The following POLR1A variants were observed in gnomAD, a reference collection of about 807,000 sequenced individuals.
The protein encoded by POLR1A is RNA polymerase I subunit A, also known as DNA-directed RNA polymerase I subunit RPA1.
POLR1A carries 84 observed loss-of-function variants against 205.3 expected under a neutral mutation model. That is an observed-to-expected ratio of 0.41 (90% CI 0.34 to 0.49). The LOEUF (loss-of-function observed/expected upper bound fraction) is 0.49. POLR1A is among the 20% of genes least tolerant of loss of function. The probability of loss-of-function intolerance (pLI) is 0.22; values close to 1 mark genes in which losing one functional copy is unlikely to be tolerated. For synonymous variants in POLR1A, 799 were observed against 863.7 expected (o/e 0.93, Z 1.31); for missense variants, 1,645 against 2,204.5 (o/e 0.75, Z 5.08).
At position 86,028,732 on chromosome 2, in the gene POLR1A, A is replaced by G. The variant is rs1573799144; in HGVS notation, c.4780-21T>C. ...AGGACCTGGAGAGAGGAAGGAAGGG[A>G]TTTATTTAGAGGGCCTGGCCTTCTG... On this transcript the variant is annotated intron_variant, in intron 31 of 33. Transcript: ENST00000263857. The surrounding 1 kb of genome is among the most constrained non-coding windows in gnomAD (Gnocchi z 4.5). 3.2e-6 allele frequency: 5 copies of G among 1,577,958 alleles called. No individual in the cohort carries two copies. The highest frequency in any genetic ancestry group is 4.4e-6 in the Non-Finnish European group (5 of 1,147,362).
chr2:86,039,017 G>A lies in POLR1A; in HGVS notation c.3877-160C>T, dbSNP rs1487842630. On this transcript the variant is annotated intron_variant, in intron 26 of 33. Coordinates refer to ENST00000263857, the MANE Select transcript of POLR1A (RefSeq NM_015425.6). ...TGAGCTATACTGGTGTGGATCTGCTGGGGGGCCCACAGCCTGCAGTCACCT... is the reference window on the plus strand; with the variant it reads ...TGAGCTATACTGGTGTGGATCTGCTAGGGGGCCCACAGCCTGCAGTCACCT... The A allele has an allele frequency of 3.7e-4, 255 of 693,432 alleles. 6 individuals carry two copies. The East Asian group carries it at 6.8e-3, about 19-fold the overall frequency. The allele number at this position is 693,432 out of a possible 1,614,324, so 43.0% of individuals were successfully genotyped here. A position where few individuals can be genotyped will look rare whatever the true frequency, so the allele number is the denominator to read the frequency against.
chr2:86,038,616 A>G (rs1672541217), intron 27 of POLR1A, 84 bp downstream of exon 27: 3 of 1,357,892 alleles, frequency 2.2e-6, no homozygotes, highest in African/African-American at 2.9e-5. Context: ...AATCTCTAGG[A>G]GCCTTGTGGC....
chr2:86,050,405 C>T (rs1203438537), intron 16 of POLR1A, among the ~76,000 whole-genome samples: 3 of 152,242 alleles, frequency 2.0e-5, no homozygotes, highest in African/African-American at 7.2e-5. Flanking sequence ...AACAGTTCCT[C>T]TGTAAGCAGG....
At chr2:86,063,685 C>T (rs915752563) in intron 14 of POLR1A, among the ~76,000 whole-genome samples, 1 of 152,110 alleles carries the variant, frequency 6.6e-6, no homozygotes, top group Non-Finnish European at 1.5e-5. Context: ...GAAGGTTTAT[C>T]CAGGAATGCA....
In POLR1A at chr2:86,071,229, T is replaced by TGTGCGCGCGCGC. The variant is rs1418268560; in HGVS notation, c.1612-958_1612-957insGCGCGCGCGCAC. 4.6e-3 allele frequency among the ~76,000 whole-genome samples: 4 copies of TGTGCGCGCGCGC among 874 alleles called. No individual in the cohort carries two copies. In the Non-Finnish European group the frequency reaches 0.056, roughly 12 times the overall value. 0.6% of individuals were successfully genotyped at this position (874 alleles called of 152,430 possible). A position where few individuals can be genotyped will look rare whatever the true frequency, so the allele number is the denominator to read the frequency against. ...CAGCTTCTCTCTCTCTCCGTGTGCA[T>TGTGCGCGCGCGC]GTGTGTGTGTGTGTGTGTGTGTGTG... On this transcript the variant is annotated intron_variant, in intron 12 of 33. Coordinates refer to ENST00000263857, the MANE Select transcript of POLR1A (RefSeq NM_015425.6).
Position 86,054,272 on chromosome 2 carries a change from G to A in POLR1A, c.2076C>T (p.Leu692=). 6.2e-7 allele frequency: 1 copy of A among 1,614,044 alleles called. No homozygotes were observed. Among genetic ancestry groups the A allele is most frequent in the African/African-American group, 1.3e-5 (1 of 75,032 alleles). The stretch of plus-strand genomic sequence containing the variant: ...TGTGGTCCTCTGGGATTATATTTAT[G>A]AGCAGCGTTGACACAACCTGCAAAG... ...WTGKQVVSTL[L]INIIPEDHIP... The change falls in exon 15 of 34, where the codon CTC becomes CTT. Residue 692 remains leucine (L), a synonymous_variant. Coordinates refer to ENST00000263857, the MANE Select transcript of POLR1A (RefSeq NM_015425.6).
At chr2:86,076,108 G>GCTGGGC in intron 11 of POLR1A, among the ~76,000 whole-genome samples, 1 of 152,284 alleles carries the variant, frequency 6.6e-6, no homozygotes, top group South Asian at 2.1e-4. Context: ...TGTGTTTAAA[G>GCTGGGC]CTGGGCCTGG....
chr2:86,047,142 T>C (rs755945818), intron 19 of POLR1A, 23 bp downstream of exon 19: 1 of 1,578,880 alleles, frequency 6.3e-7, no homozygotes, highest in Non-Finnish European at 8.7e-7. Context: ...CCTGTAAAGC[T>C]GCCAACCCGC....
At chr2:86,055,294 C>CAAAAAAAA (rs1265267243) in intron 14 of POLR1A, among the ~76,000 whole-genome samples, 6 of 150,872 alleles carry the variant, frequency 4.0e-5, no homozygotes, top group East Asian at 2.0e-4. Context: ...AACTCTGTCT[C>CAAAAAAAA]AAGAAAAAAA....
chr2:86,089,700 A>C, intron 4 of POLR1A, 122 bp downstream of exon 4: 29 of 660,876 alleles, frequency 4.4e-5, no homozygotes, highest in East Asian at 7.9e-5. Context: ...CACAAGAGAC[A>C]GAGCTCAGAT....
chr2:86,092,987 T>C (rs1313870404), intron 3 of POLR1A, among the ~76,000 whole-genome samples: 3 of 152,112 alleles, frequency 2.0e-5, no homozygotes, highest in African/African-American at 7.2e-5. Context: ...TCCAACAACA[T>C]ATTAAAAAGG....
intron 3 of POLR1A, among the ~76,000 whole-genome samples, chr2:86,092,162 TTG>T (rs1334636732): frequency 1.3e-5 from 2 of 152,218 alleles, no homozygotes; most frequent in Non-Finnish European, 1.5e-5. Context: ...GAAATGTCAG[TTG>T]TGTTATTAGG....
At chr2:86,102,608 C>T (rs1356352181) in intron 1 of POLR1A, among the ~76,000 whole-genome samples, 2 of 152,140 alleles carry the variant, frequency 1.3e-5, no homozygotes, top group Non-Finnish European at 1.5e-5. Flanking sequence ...TGATAACTAC[C>T]TAATTTTTTT....
chr2:86,060,379 A>T (rs1297414762), intron 14 of POLR1A, among the ~76,000 whole-genome samples: 1 of 152,158 alleles, frequency 6.6e-6, no homozygotes, highest in Non-Finnish European at 1.5e-5. Context: ...TTTTAAAGGT[A>T]TATTGAGATG....
chr2:86,087,799 T>C (rs1007482396), intron 6 of POLR1A, among the ~76,000 whole-genome samples: 3 of 152,142 alleles, frequency 2.0e-5, no homozygotes, highest in African/African-American at 7.2e-5. Context: ...TGCCTCAGCC[T>C]CCCAAAGTAC....
rs987173647 is a variant in POLR1A, at chr2:86,075,809, A to AT, written c.1381-550dup. Among the ~76,000 whole-genome samples the AT allele has an allele frequency of 2.8e-4, 42 of 152,234 alleles. No individual in the cohort carries two copies. In the South Asian group the frequency reaches 3.9e-3, roughly 14 times the overall value. On this transcript the variant is annotated intron_variant, in intron 11 of 33. Coordinates refer to ENST00000263857, the MANE Select transcript of POLR1A (RefSeq NM_015425.6). ...AGGCGTGAGCCACCGCGCCCAGCCA[A>AT]TTTTTTCACCCAGTCTAAAACTTCA...
chr2:86,105,671 C>T lies in POLR1A; in HGVS notation c.77+29G>A, dbSNP rs745314695. 4.6e-6 allele frequency: 7 copies of T among 1,514,776 alleles called. No homozygotes were observed. The Admixed American group carries it at 6.7e-5, about 14-fold the overall frequency. The allele number at this position is 1,514,776 out of a possible 1,614,324, so 93.8% of individuals were successfully genotyped here. ...TAGGGCGCCGACCTCAAGATCCAGGCTGGGCACGCTACCCGACCAACTCCT... is the reference window on the plus strand; with the variant it reads ...TAGGGCGCCGACCTCAAGATCCAGGTTGGGCACGCTACCCGACCAACTCCT... On this transcript the variant is annotated intron_variant, in intron 1 of 33. Transcript: ENST00000263857.
chr2:86,033,552 T>C (rs1231130801), intron 28 of POLR1A, 109 bp downstream of exon 28: 1 of 1,247,348 alleles, frequency 8.0e-7, no homozygotes, highest in Non-Finnish European at 1.1e-6. Context: ...AGGTAGGAGA[T>C]GGGCCAGCAC....
chr2:86,040,022 C>T lies in POLR1A; in HGVS notation c.3740+370G>A, dbSNP rs114036282. ...CCTGAAGGGCCAGGGCCCAGGGCCA[C>T]GTGGGGGCACGTTCTATGTGAATGG... is the stretch of plus-strand genomic sequence containing the variant. On this transcript the variant is annotated intron_variant, in intron 25 of 33. Transcript: ENST00000263857. 583 of 206,620 alleles carry T rather than the reference C, an allele frequency of 2.8e-3. 11 individuals are homozygous for T. Among genetic ancestry groups the T allele is most frequent in the African/African-American group, 0.013 (549 of 43,480 alleles). The allele number at this position is 206,620 out of a possible 1,614,324, so 12.8% of individuals were successfully genotyped here.
Sources: allele counts gnomAD v4.1 joint callset (sites outside exome capture counted in the v4.1 genomes callset), GRCh38; gene constraint gnomAD v4.1.1; non-coding constraint Gnocchi (gnomAD v3.1); transcripts MANE v1.5; gene names NCBI Gene and HGNC (gene_info 2026-07-23, HGNC 2026-07-21).